RDX: variants seen among roughly 807,000 people sequenced by gnomAD.
RDX encodes radixin, also known as deafness, autosomal recessive 24.
In RDX, 32 loss-of-function variants were observed where a neutral mutation model predicts 83.7. The ratio of observed to expected loss-of-function variants is 0.38; its 90% CI spans 0.29 to 0.51. The LOEUF is 0.51. Among genes scored for constraint, RDX ranks in the 20% least tolerant of loss-of-function variants. RDX has a pLI of 0.87. For synonymous variants in RDX, 229 were observed against 222.7 expected, an observed-to-expected ratio of 1.03 and a Z score of -0.25; for missense variants, 600 against 689.9, an observed-to-expected ratio of 0.87 and a Z score of 1.46.
At position 110,204,122 on chromosome 11, in the gene RDX, A is replaced by T. The variant is rs1402026901; in HGVS notation, c.1749-4444T>A. On this transcript the variant is annotated intron_variant, in intron 14 of 15. Coordinates refer to the RDX transcript ENST00000528498. The stretch of plus-strand genomic sequence containing the variant: ...GCCAGTCAACTCAGTAAGAAACAGA[A>T]TAAAAGTTTTATGGATGGAGAAGAC... Among the ~76,000 whole-genome samples the T allele has an allele frequency of 2.0e-5, 3 of 152,186 alleles. No homozygotes were observed. The East Asian group carries it at 5.8e-4, about 29-fold the overall frequency.
rs1214412066 is a variant in RDX at position 110,238,943 on chromosome 11, C to CA, written c.1091-1292dup. ...CTGTCTCAAAAAAAAAAAAAAAAAA[C>CA]AAAAAAAACACTTGGAAGGTTTTGA... On this transcript the variant is annotated intron_variant, in intron 10 of 13. Coordinates refer to ENST00000645495, the MANE Select transcript of RDX (RefSeq NM_002906.4). 6.8e-5 allele frequency among the ~76,000 whole-genome samples: 9 copies of CA among 133,028 alleles called. No homozygotes were observed. In the East Asian group the frequency reaches 7.0e-4, roughly 10 times the overall value. The allele number at this position is 133,028 out of a possible 152,430, so 87.3% of individuals were successfully genotyped here. A position where few individuals can be genotyped will look rare whatever the true frequency, so the allele number is the denominator to read the frequency against.
At chr11:110,290,207 T>C (rs954391503) in intron 1 of RDX, among the ~76,000 whole-genome samples, 4 of 152,030 alleles carry the variant, frequency 2.6e-5, no homozygotes, top group Middle Eastern at 3.4e-3. Context: ...GCAAGGAGTA[T>C]TAATTAACTT....
intron 12 of RDX, 140 bp downstream of exon 12, chr11:110,235,959 T>C (rs1370731734): frequency 7.4e-6 from 5 of 676,884 alleles, no homozygotes; most frequent in African/African-American, 1.8e-5. Flanking sequence ...TATCTGTAGA[T>C]AGATATTTAC....
intron 15 of RDX, among the ~76,000 whole-genome samples, chr11:110,182,453 C>T (rs898846): frequency 0.61 from 93,048 of 151,932 alleles, 29,176 homozygotes; most frequent in African/African-American, 0.75. Flanking sequence ...ATACAAAAAC[C>T]AGCCGGGTGT....
At chr11:110,227,572 A>G (rs1392113969), downstream of RDX, among the ~76,000 whole-genome samples, 1 of 152,200 alleles carries the variant, frequency 6.6e-6, no homozygotes, top group Non-Finnish European at 1.5e-5. Flanking sequence ...AATCAACAAT[A>G]TGGCATTGCC....
chr11:110,294,143 C>CA (rs1565340813), intron 1 of RDX, among the ~76,000 whole-genome samples: 2 of 152,252 alleles, frequency 1.3e-5, no homozygotes, highest in Admixed American at 6.5e-5. Context: ...CCTGTAATCC[C>CA]AGCACTTTGG....
rs528910656 is a variant in RDX, at chr11:110,257,737, A to G, written c.698+30T>C. 18 of 1,605,464 alleles carry G rather than the reference A, an allele frequency of 1.1e-5. No homozygotes were observed. The African/African-American group carries it at 1.7e-4, about 15-fold the overall frequency. On this transcript the variant is annotated intron_variant, in intron 7 of 13. Coordinates refer to ENST00000645495, the MANE Select transcript of RDX (RefSeq NM_002906.4). Reference sequence around the variant, plus strand: ...ACGTCATTTAGACCACTGAACAATGACTAGTTCACTATGCAACTAATTTAC... The same window carrying G: ...ACGTCATTTAGACCACTGAACAATGGCTAGTTCACTATGCAACTAATTTAC...
At chr11:110,256,827 G>A (rs752012008) in intron 7 of RDX, among the ~76,000 whole-genome samples, 1 of 152,142 alleles carries the variant, frequency 6.6e-6, no homozygotes, top group Non-Finnish European at 1.5e-5. Context: ...AAAAACATGA[G>A]AAGATATTAG....
chr11:110,202,287 C>A (rs1863438603), intron 14 of RDX, among the ~76,000 whole-genome samples: 1 of 151,832 alleles, frequency 6.6e-6, no homozygotes, highest in Non-Finnish European at 1.5e-5. Flanking sequence ...CCCAGCTACT[C>A]TGGAGGCTGA....
intron 1 of RDX, among the ~76,000 whole-genome samples, chr11:110,292,149 C>T (rs773076408): frequency 5.3e-5 from 8 of 152,002 alleles, no homozygotes; most frequent in African/African-American, 9.7e-5. Flanking sequence ...AAAAATTAGC[C>T]GGGCCTGGTG....
Position 110,199,895 on chromosome 11 carries a change from AAATAAG to A in RDX, c.1749-223_1749-218del, listed in dbSNP as rs539524368. 2.9e-3 allele frequency among the ~76,000 whole-genome samples: 448 copies of A among 152,290 alleles called. 2 individuals carry two copies. The highest frequency in any genetic ancestry group is 0.014 in the Middle Eastern group (4 of 292). Reference sequence around the variant, plus strand: ...TTGAAACTCCACGATTAGAATGTGGAAATAAGAATAACTTTAAACCTTCCTTTTAAA... The same window carrying A: ...TTGAAACTCCACGATTAGAATGTGGAAATAACTTTAAACCTTCCTTTTAAA... On this transcript the variant is annotated intron_variant, in intron 14 of 15. Transcript: ENST00000528498.
At chr11:110,182,120 A>C (rs1372426527) in intron 15 of RDX, among the ~76,000 whole-genome samples, 2 of 152,176 alleles carry the variant, frequency 1.3e-5, no homozygotes, top group East Asian at 3.8e-4. Flanking sequence ...GAGACTTCCA[A>C]TTCTACCCTT....
chr11:110,235,002 A>C (rs915938174), intron 12 of RDX, among the ~76,000 whole-genome samples: 3 of 152,172 alleles, frequency 2.0e-5, no homozygotes, highest in African/African-American at 7.2e-5. Context: ...GCCTGATTTT[A>C]CAATTGTGTG....
At chr11:110,218,735 C>G (rs556368667) in intron 14 of RDX, among the ~76,000 whole-genome samples, 1 of 152,182 alleles carries the variant, frequency 6.6e-6, no homozygotes, top group Non-Finnish European at 1.5e-5. Flanking sequence ...TTACTTCTTT[C>G]CAGAAACTTT....
intron 15 of RDX, among the ~76,000 whole-genome samples, chr11:110,175,645 GCTTT>G (rs1242466511): frequency 6.6e-6 from 1 of 152,120 alleles, no homozygotes; most frequent in Non-Finnish European, 1.5e-5. Context: ...CAGAGGCGAG[GCTTT>G]CTGTCTCAGC....
At chr11:110,226,169 T>C (rs1386508110), downstream of RDX, among the ~76,000 whole-genome samples, 1 of 152,068 alleles carries the variant, frequency 6.6e-6, no homozygotes, top group Non-Finnish European at 1.5e-5. Context: ...CTCTAAGATA[T>C]TTGTACACCA....
intron 15 of RDX, among the ~76,000 whole-genome samples, chr11:110,197,114 G>A (rs1207988362): frequency 6.6e-6 from 1 of 152,116 alleles, no homozygotes; most frequent in African/African-American, 2.4e-5. Flanking sequence ...TGCCCAGGCT[G>A]GTCTCAAACT....
chr11:110,207,973 G>C (rs911536590), intron 14 of RDX, among the ~76,000 whole-genome samples: 3 of 146,370 alleles, frequency 2.0e-5, no homozygotes, highest in African/African-American at 7.6e-5. Context: ...AGAATCATAA[G>C]GAAGTTGAAT....
chr11:110,226,577 A>G (rs1864443566), downstream of RDX, among the ~76,000 whole-genome samples: 1 of 152,320 alleles, frequency 6.6e-6, no homozygotes, highest in East Asian at 1.9e-4. Context: ...AACAATGTGA[A>G]TGTACTTAAT....
Sources: gnomAD v4.1 joint callset for allele counts (sites outside exome capture counted in the v4.1 genomes callset) on GRCh38, gnomAD v4.1.1 for gene constraint, MANE v1.5 for transcripts, NCBI Gene and HGNC (gene_info 2026-07-23, HGNC 2026-07-21) for gene names.